LZIC: variants seen among roughly 807,000 people sequenced by gnomAD.
LZIC encodes the protein protein LZIC.
A neutral mutation model predicts 25.4 loss-of-function variants in LZIC; 28 were observed. The observed-to-expected ratio is 1.10, with a 90% confidence interval of 0.82 to 1.51. The LOEUF is 1.51. LZIC is among the 40% of genes most tolerant of loss of function. The pLI is 0.00. For synonymous variants in LZIC, 65 were observed against 70.7 expected (o/e 0.92, Z 0.40); for missense variants, 170 against 211.1 (o/e 0.81, Z 1.21).
downstream of LZIC, among the ~76,000 whole-genome samples, chr1:9,926,131 C>T (rs972081617): frequency 9.9e-5 from 15 of 151,888 alleles, no homozygotes; most frequent in African/African-American, 3.1e-4. Context: ...ATGATCTGCC[C>T]GCCTCCGCCT....
chr1:9,922,266 G>T (rs1639884238), downstream of LZIC: 1 of 983,734 alleles, frequency 1.0e-6, no homozygotes, highest in Non-Finnish European at 1.2e-6. Context: ...CACAGGTCCT[G>T]GATCTTTAAC....
At chr1:9,934,052 C>A (rs1213717369) in intron 5 of LZIC, among the ~76,000 whole-genome samples, 1 of 151,790 alleles carries the variant, frequency 6.6e-6, no homozygotes, top group South Asian at 2.1e-4. Context: ...CATGGTAAAC[C>A]CCATTTCTAC....
chr1:9,930,152 T>C lies in LZIC; in HGVS notation c.*247A>G. 2 of 1,250,922 alleles carry C rather than the reference T, an allele frequency of 1.6e-6. No individual in the cohort carries two copies. The highest frequency in any genetic ancestry group is 2.0e-6 in the Non-Finnish European group (2 of 991,012). 77.5% of individuals were successfully genotyped at this position (1,250,922 alleles called of 1,614,324 possible). A position where few individuals can be genotyped will look rare whatever the true frequency, so the allele number is the denominator to read the frequency against. On this transcript the variant is annotated 3_prime_UTR_variant, in exon 8 of 8. Coordinates refer to ENST00000377223, the MANE Select transcript of LZIC (RefSeq NM_032368.5). The stretch of plus-strand genomic sequence containing the variant: ...TTTTCTCTCTTAAACAGACAAATCA[T>C]AACGAACAGAGTCCAGTGAGTCCCT...
Position 9,932,888 on chromosome 1 carries a change from T to C in LZIC, c.347A>G (p.Asp116Gly). ...TCTTTCCAGCTTTCCTACCATCAGA[T>C]CTCTATCCATCTAAAACGTATGAAT... ...LRTRLAEMDRDLMVGKLERDL... is the reference protein window; with the variant it reads ...LRTRLAEMDRGLMVGKLERDL... The change falls in exon 6 of 8, where the codon GAT becomes GGT. Residue 116 changes from aspartate to glycine, a missense_variant. By Grantham distance (94) the Asp-to-Gly change is moderately conservative (BLOSUM62 -1). Coordinates refer to ENST00000377223, the MANE Select transcript of LZIC (RefSeq NM_032368.5). The C allele has an allele frequency of 6.2e-7, 1 of 1,604,884 alleles. No individual in the cohort carries two copies. The highest frequency in any genetic ancestry group is 8.5e-7 in the Non-Finnish European group (1 of 1,172,052).
chr1:9,935,927 C>T (rs574039993), intron 3 of LZIC, among the ~76,000 whole-genome samples: 3 of 152,082 alleles, frequency 2.0e-5, no homozygotes, highest in Non-Finnish European at 4.4e-5. Context: ...GTCAGGAGTT[C>T]GAGGCCAGCC....
chr1:9,933,853 C>T (rs971675074), intron 5 of LZIC, among the ~76,000 whole-genome samples: 2 of 151,746 alleles, frequency 1.3e-5, no homozygotes, highest in African/African-American at 4.8e-5. Context: ...TACAGTGAGC[C>T]GAGATTGCAT....
chr1:9,937,501 C>T (rs4845912), intron 2 of LZIC, among the ~76,000 whole-genome samples: 11,907 of 151,386 alleles, frequency 0.079, 618 homozygotes, highest in South Asian at 0.13. Flanking sequence ...GCTGAGATCA[C>T]GCCACTGCAC....
intron 3 of LZIC, 115 bp from the exon 4 acceptor site, chr1:9,935,742 G>C (rs929482589): frequency 2.0e-6 from 2 of 976,958 alleles, no homozygotes; most frequent in African/African-American, 3.3e-5. Context: ...TGCTGATGGT[G>C]AATGTGTTCA....
downstream of LZIC, among the ~76,000 whole-genome samples, chr1:9,925,044 G>C (rs1416027974): frequency 4.6e-5 from 7 of 151,890 alleles, no homozygotes; most frequent in East Asian, 9.7e-4. Flanking sequence ...GGGCGCAGTG[G>C]CTCACGCCTG....
At chr1:9,935,737 A>T (rs1161413965) in intron 3 of LZIC, 110 bp from the exon 4 acceptor site, 1 of 1,003,412 alleles carries the variant, frequency 1.0e-6, no homozygotes, top group African/African-American at 1.6e-5. Context: ...CAAAATGCTG[A>T]TGGTGAATGT....
At chr1:9,932,114 G>C (rs896830048) in intron 6 of LZIC, 142 bp from the exon 7 acceptor site, 3 of 419,872 alleles carry the variant, frequency 7.1e-6, no homozygotes, top group Admixed American at 4.3e-5. Flanking sequence ...GGGGGGGGGG[G>C]GGGTGGATCA....
intron 4 of LZIC, 65 bp downstream of exon 4, chr1:9,935,427 C>G: frequency 6.6e-7 from 1 of 1,521,120 alleles, no homozygotes; most frequent in Non-Finnish European, 8.8e-7. Context: ...GAATGCATCT[C>G]AAACAAAAAC....
At position 9,936,773 on chromosome 1, in the gene LZIC, G is replaced by A. The variant is rs1570644871; in HGVS notation, c.-8-146C>T. ...TGGCCTAAAGTGACCCTCCCATCTT[G>A]GACTACCAAAGAGGTGGGATTATAG... On this transcript the variant is annotated intron_variant, in intron 2 of 7. Coordinates refer to ENST00000377223, the MANE Select transcript of LZIC (RefSeq NM_032368.5). 1.1e-5 allele frequency: 7 copies of A among 616,144 alleles called. No individual in the cohort carries two copies. In the East Asian group the frequency reaches 2.0e-4, roughly 17 times the overall value. The allele number at this position is 616,144 out of a possible 1,614,324, so 38.2% of individuals were successfully genotyped here.
intron 4 of LZIC, among the ~76,000 whole-genome samples, chr1:9,935,153 G>A (rs1186419309): frequency 6.6e-6 from 1 of 151,864 alleles, no homozygotes; most frequent in Admixed American, 6.6e-5. Flanking sequence ...CTAAAGGCCA[G>A]GCACAGTGGC....
rs533354809 is a variant in LZIC, at chr1:9,943,090, T to C, written c.-168+159A>G. 2.8e-5 allele frequency: 6 copies of C among 212,312 alleles called. No individual in the cohort carries two copies. In the East Asian group the frequency reaches 5.4e-4, roughly 19 times the overall value. The allele number at this position is 212,312 out of a possible 1,614,324, so 13.2% of individuals were successfully genotyped here. On this transcript the variant is annotated intron_variant, in intron 1 of 7. Coordinates refer to ENST00000377223, the MANE Select transcript of LZIC (RefSeq NM_032368.5). ...GGGTTTGGCCCAGAACCAACAGGAC[T>C]GGGTGAAGAATCAGCTCCGGCCACC...
At chr1:9,924,377 C>A (rs564452686), downstream of LZIC, among the ~76,000 whole-genome samples, 3 of 151,890 alleles carry the variant, frequency 2.0e-5, no homozygotes, top group East Asian at 5.8e-4. Context: ...TTTTTTGAGA[C>A]GGAGTCTTGC....
rs760621463 is a variant in LZIC, at chr1:9,936,611, G to A, written c.9C>T (p.Ser3=). The A allele has an allele frequency of 1.6e-5, 26 of 1,610,498 alleles. No individual in the cohort carries two copies. The highest frequency in any genetic ancestry group is 2.2e-5 in the Non-Finnish European group (26 of 1,177,440). MA[S]RGKTETSKLK... is the part of the protein sequence containing the mutation. ...ATTTGCTTGTCTCTGTCTTTCCTCT[G>A]GAAGCCATTTTAATCTCTATGTGAA... Residue 3 remains serine (S), a synonymous_variant, in exon 3 of 8, where the codon TCC becomes TCT. Coordinates refer to ENST00000377223, the MANE Select transcript of LZIC (RefSeq NM_032368.5).
chr1:9,938,280 A>G (rs974044978), intron 2 of LZIC, among the ~76,000 whole-genome samples: 1 of 151,888 alleles, frequency 6.6e-6, no homozygotes, highest in Non-Finnish European at 1.5e-5. Context: ...CCATCTTCCC[A>G]CCTCTGCCTC....
In LZIC at chr1:9,935,641, A is replaced by G; in HGVS notation, c.102-14T>C. 6.3e-7 allele frequency: 1 copy of G among 1,584,316 alleles called. No individual in the cohort carries two copies. The highest frequency in any genetic ancestry group is 8.5e-7 in the Non-Finnish European group (1 of 1,171,682). ...TCAAGTTCCTCTCTGAAATAGGTGA[A>G]CATCATGATATGGAAAAATGAAGAG... On this transcript the variant is annotated splice_polypyrimidine_tract_variant and intron_variant, in intron 3 of 7. Coordinates refer to ENST00000377223, the MANE Select transcript of LZIC (RefSeq NM_032368.5).
Sources: gnomAD v4.1 joint callset for allele counts (sites outside exome capture counted in the v4.1 genomes callset) on GRCh38, gnomAD v4.1.1 for gene constraint, MANE v1.5 for transcripts, NCBI Gene and HGNC (gene_info 2026-07-23, HGNC 2026-07-21) for gene names.